STAU2: variants seen among roughly 807,000 people sequenced by gnomAD.
The protein encoded by STAU2 is staufen double-stranded RNA binding protein 2, also known as double-stranded RNA-binding protein Staufen homolog 2.
STAU2 carries 20 observed loss-of-function variants against 65.9 expected under a neutral mutation model. That is an observed-to-expected ratio of 0.30 (90% CI 0.21 to 0.44). The LOEUF (loss-of-function observed/expected upper bound fraction) is 0.44, where lower values mean the gene tolerates loss of function less well. STAU2 is among the 20% of genes least tolerant of loss of function. The pLI is 1.00. For missense variants in STAU2, 558 were observed against 683.9 expected, an observed-to-expected ratio of 0.82 and a Z score of 2.05; for synonymous variants, 232 against 233.9, an observed-to-expected ratio of 0.99 and a Z score of 0.07.
intron 13 of STAU2, among the ~76,000 whole-genome samples, chr8:73,505,203 A>G (rs1194344669): frequency 4.6e-5 from 7 of 152,250 alleles, no homozygotes; most frequent in African/African-American, 7.2e-5. Context: ...AATCAGAGCT[A>G]GAGTGCAGCC....
intron 12 of STAU2, among the ~76,000 whole-genome samples, chr8:73,566,804 T>C (rs568128188): frequency 3.9e-5 from 6 of 152,356 alleles, no homozygotes; most frequent in African/African-American, 7.2e-5. Flanking sequence ...TTTTCTTCTA[T>C]GTATACCATG....
intron 13 of STAU2, among the ~76,000 whole-genome samples, chr8:73,493,756 G>T (rs1821261044): frequency 6.6e-6 from 1 of 151,458 alleles, no homozygotes; most frequent in African/African-American, 2.4e-5. Flanking sequence ...TGATGCAAGA[G>T]AAAAAAACAT....
intron 6 of STAU2, among the ~76,000 whole-genome samples, chr8:73,636,731 C>T (rs1403734498): frequency 1.3e-5 from 2 of 151,748 alleles, no homozygotes; most frequent in African/African-American, 2.4e-5. Context: ...AGTGTGGTGG[C>T]ACACAGCTGT....
chr8:73,469,639 G>A (rs796402799), intron 13 of STAU2, among the ~76,000 whole-genome samples: 14 of 152,096 alleles, frequency 9.2e-5, no homozygotes, highest in South Asian at 4.2e-4. Flanking sequence ...ATGCTGCTGC[G>A]TGGATTCTAT....
chr8:73,483,971 G>A (rs1158832655), intron 13 of STAU2, among the ~76,000 whole-genome samples: 7 of 152,136 alleles, frequency 4.6e-5, no homozygotes, highest in Admixed American at 2.0e-4. Context: ...CAGCCACAGC[G>A]TCAGGAAGGG....
intron 13 of STAU2, among the ~76,000 whole-genome samples, chr8:73,482,683 T>C (rs1820695254): frequency 6.6e-6 from 1 of 152,148 alleles, no homozygotes; most frequent in South Asian, 2.1e-4. Flanking sequence ...TATTAAGAAA[T>C]TTATTTTCAT....
In STAU2 at chr8:73,684,455, T is replaced by C. The variant is rs184063526; in HGVS notation, c.274+4199A>G. ...CTCATCTCTCACTTGATATAAAAAT[T>C]AACTCAAGATGGATCAAAGACTTAA... On this transcript the variant is annotated intron_variant, in intron 5 of 14. Coordinates refer to ENST00000524300, the MANE Select transcript of STAU2 (RefSeq NM_001164380.2). Among the ~76,000 whole-genome samples, 365 of 152,226 alleles carry C rather than the reference T, an allele frequency of 2.4e-3. 7 individuals carry two copies. Among genetic ancestry groups the C allele is most frequent in the Admixed American group, 0.022 (339 of 15,276 alleles).
intron 13 of STAU2, among the ~76,000 whole-genome samples, chr8:73,502,815 C>T (rs1345804938): frequency 6.6e-6 from 1 of 151,986 alleles, no homozygotes; most frequent in African/African-American, 2.4e-5. Flanking sequence ...TTAGGGACAG[C>T]ATCCATTTTT....
chr8:73,503,619 A>G (rs1432175613), intron 13 of STAU2, among the ~76,000 whole-genome samples: 11 of 151,956 alleles, frequency 7.2e-5, no homozygotes, highest in African/African-American at 2.7e-4. Context: ...TTGAATGGAT[A>G]AATGAATGAC....
intron 13 of STAU2, among the ~76,000 whole-genome samples, chr8:73,496,246 T>C (rs1390447297): frequency 1.3e-5 from 2 of 151,572 alleles, no homozygotes; most frequent in Non-Finnish European, 3.0e-5. Context: ...AAAGAATGTT[T>C]AGAAAATTCC....
intron 4 of STAU2, among the ~76,000 whole-genome samples, chr8:73,699,557 T>A (rs562946692): frequency 1.3e-5 from 2 of 151,864 alleles, no homozygotes; most frequent in Non-Finnish European, 2.9e-5. Context: ...GCCAAAAAAT[T>A]GAAAAATCTT....
chr8:73,581,108 C>T (rs1419719698), intron 12 of STAU2, among the ~76,000 whole-genome samples: 1 of 152,026 alleles, frequency 6.6e-6, no homozygotes, highest in Non-Finnish European at 1.5e-5. Context: ...GAAGTATCCC[C>T]CACTTGTCAT....
chr8:73,535,977 T>TA (rs200198333), intron 13 of STAU2, among the ~76,000 whole-genome samples: 114 of 151,974 alleles, frequency 7.5e-4, no homozygotes, highest in Middle Eastern at 3.4e-3. Context: ...TTAATTTTTT[T>TA]AAAAAAAATA....
intron 13 of STAU2, among the ~76,000 whole-genome samples, chr8:73,505,317 G>A (rs1214723166): frequency 6.6e-6 from 1 of 152,046 alleles, no homozygotes; most frequent in Non-Finnish European, 1.5e-5. Flanking sequence ...ACTGGGCTGG[G>A]CAGGAGGAAA....
chr8:73,586,651 A>C (rs1382757995), intron 11 of STAU2, among the ~76,000 whole-genome samples: 1 of 151,094 alleles, frequency 6.6e-6, no homozygotes, highest in East Asian at 1.9e-4. Context: ...AAATGCAAAA[A>C]AAAAAAAAAA....
At chr8:73,637,694 G>C (rs1317265028) in intron 6 of STAU2, among the ~76,000 whole-genome samples, 2 of 151,472 alleles carry the variant, frequency 1.3e-5, no homozygotes, top group African/African-American at 2.4e-5. Flanking sequence ...ACAGAAATCT[G>C]GATCTTCAGA....
intron 13 of STAU2, among the ~76,000 whole-genome samples, chr8:73,545,010 G>T (rs1046405205): frequency 7.2e-5 from 11 of 152,122 alleles, no homozygotes; most frequent in African/African-American, 2.7e-4. Context: ...AATGAGTACT[G>T]CCCAGTGTGA....
At chr8:73,687,264 C>A (rs1432577334) in intron 5 of STAU2, among the ~76,000 whole-genome samples, 18 of 34,410 alleles carry the variant, frequency 5.2e-4, no homozygotes, top group Admixed American at 1.5e-3. Context: ...ATTTATATTT[C>A]TATTAATTTA....
intron 13 of STAU2, among the ~76,000 whole-genome samples, chr8:73,466,247 A>G (rs1445161325): frequency 2.6e-5 from 4 of 152,196 alleles, no homozygotes; most frequent in African/African-American, 9.7e-5. Context: ...TTTTAGACTC[A>G]TGGAGTTACC....
Sources: gnomAD v4.1 joint callset for allele counts (sites outside exome capture counted in the v4.1 genomes callset) on GRCh38, gnomAD v4.1.1 for gene constraint, MANE v1.5 for transcripts, NCBI Gene and HGNC (gene_info 2026-07-23, HGNC 2026-07-21) for gene names.